Variants in DDX60L observed in about 807,000 individuals in gnomAD.
DDX60L encodes DExD/H-box 60 like, also known as probable ATP-dependent RNA helicase DDX60-like.
DDX60L carries 191 observed loss-of-function variants against 211.6 expected under a neutral mutation model. The observed-to-expected ratio is 0.90, with a 90% CI of 0.80 to 1.02. DDX60L has a LOEUF of 1.02. DDX60L is among the 50% of genes least tolerant of loss of function. The probability of loss-of-function intolerance (pLI) is 0.00; values close to 1 mark genes in which losing one functional copy is unlikely to be tolerated. For missense variants in DDX60L, 2,007 were observed against 1,984.1 expected, an observed-to-expected ratio of 1.01 and a Z score of -0.22; for synonymous variants, 706 against 694.1, an observed-to-expected ratio of 1.02 and a Z score of -0.27.
At chr4:168,479,408 T>C (rs1181142230) in intron 1 of DDX60L, among the ~76,000 whole-genome samples, 1 of 152,190 alleles carries the variant, frequency 6.6e-6, no homozygotes, top group Non-Finnish European at 1.5e-5. Flanking sequence ...TGAAGGTCTG[T>C]ATGTCGTTGA....
chr4:168,463,534 ACC>A (rs1757593586), intron 4 of DDX60L, among the ~76,000 whole-genome samples: 1 of 152,008 alleles, frequency 6.6e-6, no homozygotes, highest in East Asian at 1.9e-4. Flanking sequence ...TGTACAACAA[ACC>A]CCCATAAGAC....
In DDX60L at chr4:168,394,242, C is replaced by A. The variant is rs140311715; in HGVS notation, c.3810+223G>T. On this transcript the variant is annotated intron_variant, in intron 28 of 37. Transcript: ENST00000682922. ...AGAGTAAAGTGTTACACCTGGATTACCACAGCTATACTACTCCATTATAAA... is the reference window on the plus strand; with the variant it reads ...AGAGTAAAGTGTTACACCTGGATTAACACAGCTATACTACTCCATTATAAA... Among the ~76,000 whole-genome samples the A allele has an allele frequency of 3.3e-4, 50 of 151,524 alleles. 1 individual carries two copies. In the East Asian group the frequency reaches 9.7e-3, roughly 29 times the overall value.
intron 5 of DDX60L, among the ~76,000 whole-genome samples, chr4:168,459,808 G>GAAGGAAGGAAGGAAGGAAGA (rs1757075224): frequency 7.5e-6 from 1 of 133,740 alleles, no homozygotes; most frequent in African/African-American, 2.7e-5. Flanking sequence ...AGGAAGGAAG[G>GAAGGAAGGAAGGAAGGAAGA]AAGGAAGGAG....
intron 2 of DDX60L, 79 bp downstream of exon 2, chr4:168,472,617 A>G (rs1758948493): frequency 6.3e-7 from 1 of 1,587,264 alleles, no homozygotes; most frequent in Non-Finnish European, 8.6e-7. Context: ...ACATCCAATT[A>G]CTTTGTAACA....
intron 9 of DDX60L, among the ~76,000 whole-genome samples, chr4:168,443,477 C>T (rs1288975698): frequency 1.3e-5 from 2 of 151,836 alleles, no homozygotes; most frequent in Non-Finnish European, 2.9e-5. Context: ...AGGAGAACTT[C>T]TCCAATCTAG....
At chr4:168,375,612 T>C (rs1741820306) in intron 33 of DDX60L, 88 bp from the exon 34 acceptor site, 2 of 1,187,122 alleles carry the variant, frequency 1.7e-6, no homozygotes, top group Non-Finnish European at 2.3e-6. Flanking sequence ...CATAGTTCTG[T>C]AGATTGATGC....
chr4:168,416,900 G>A (rs1749664352), intron 19 of DDX60L, 103 bp from the exon 20 acceptor site: 1 of 586,512 alleles, frequency 1.7e-6, no homozygotes, highest in Non-Finnish European at 2.9e-6. Flanking sequence ...TCCTATAAAT[G>A]ACCTAACCTA....
At chr4:168,397,761 C>T (rs115881291) in intron 26 of DDX60L, among the ~76,000 whole-genome samples, 1,868 of 152,330 alleles carry the variant, frequency 0.012, 38 homozygotes, top group African/African-American at 0.042. Context: ...AGGACACCGG[C>T]TGCAGTGGGA....
Position 168,432,442 on chromosome 4 carries a change from T to G in DDX60L, c.1516+13A>C. 6.7e-7 allele frequency: 1 copy of G among 1,493,038 alleles called. No individual in the cohort carries two copies. The highest frequency in any genetic ancestry group is 1.7e-4 in the Middle Eastern group (1 of 5,738). The allele number at this position is 1,493,038 out of a possible 1,614,324, so 92.5% of individuals were successfully genotyped here. A position where few individuals can be genotyped will look rare whatever the true frequency, so the allele number is the denominator to read the frequency against. Reference sequence around the variant, plus strand: ...TCATATAAGCTCTATTTTATCGTGGTTACAGAGCTCACCATCAACATGACA... The same window carrying G: ...TCATATAAGCTCTATTTTATCGTGGGTACAGAGCTCACCATCAACATGACA... On this transcript the variant is annotated intron_variant, in intron 12 of 37. Coordinates refer to ENST00000682922, the MANE Select transcript of DDX60L (RefSeq NM_001012967.3).
At chr4:168,472,581 G>A in intron 2 of DDX60L, 57 bp from the exon 3 acceptor site, 1 of 1,558,048 alleles carries the variant, frequency 6.4e-7, no homozygotes, top group Non-Finnish European at 8.8e-7. Flanking sequence ...ATATAATTTA[G>A]TAATTATTAA....
intron 36 of DDX60L, among the ~76,000 whole-genome samples, chr4:168,365,786 A>T (rs893775650): frequency 2.0e-5 from 3 of 152,164 alleles, no homozygotes; most frequent in African/African-American, 7.2e-5. Flanking sequence ...ACAAGATACT[A>T]GCAAACCAAA....
In DDX60L at chr4:168,406,619, T is replaced by C. The variant is rs1440249514; in HGVS notation, c.3067A>G (p.Thr1023Ala). Residue 1023 changes from threonine to alanine, a missense_variant, in exon 23 of 38, where the codon ACT becomes GCT. Thr to Ala is a moderately conservative substitution (Grantham distance 58, BLOSUM62 0). Transcript: ENST00000682922. ...LYDTMAQVWE[T>A]WPRAQELCPE... ...ATATTTACCTGAGCCCTGGGCCAAG[T>C]TTCCCAGACTTGAGCCATGGTATCA... The C allele has an allele frequency of 6.3e-7, 1 of 1,598,728 alleles. No individual in the cohort carries two copies. The highest frequency in any genetic ancestry group is 1.3e-5 in the African/African-American group (1 of 74,576).
intron 26 of DDX60L, among the ~76,000 whole-genome samples, chr4:168,396,776 G>A (rs191032104): frequency 1.2e-3 from 186 of 150,162 alleles, no homozygotes; most frequent in African/African-American, 4.3e-3. Context: ...CTTCCCCTAC[G>A]TCCAAAAAAT....
intron 26 of DDX60L, 49 bp from the exon 27 acceptor site, chr4:168,396,173 T>G (rs1356578148): frequency 8.6e-7 from 1 of 1,157,166 alleles, no homozygotes. Flanking sequence ...AAACTCATAT[T>G]CAGTTACTGC....
intron 6 of DDX60L, among the ~76,000 whole-genome samples, chr4:168,457,549 A>G (rs1756758407): frequency 1.3e-5 from 2 of 152,184 alleles, no homozygotes; most frequent in African/African-American, 4.8e-5. Flanking sequence ...GGTATAATTA[A>G]TTCCACATTT....
At position 168,406,595 on chromosome 4, in the gene DDX60L, T is replaced by C. The variant is rs939004006; in HGVS notation, c.3084+7A>G. On this transcript the variant is annotated splice_region_variant and intron_variant, in intron 23 of 37. Coordinates refer to ENST00000682922, the MANE Select transcript of DDX60L (RefSeq NM_001012967.3). The stretch of plus-strand genomic sequence containing the variant: ...TCATTTTGGTGAATATATATTTCTA[T>C]ATTTACCTGAGCCCTGGGCCAAGTT... 6.4e-6 allele frequency: 10 copies of C among 1,566,536 alleles called. No individual in the cohort carries two copies. The Admixed American group carries it at 1.3e-4, about 20-fold the overall frequency.
intron 4 of DDX60L, chr4:168,470,943 CA>C (rs1234056552): frequency 5.8e-6 from 1 of 173,236 alleles, no homozygotes; most frequent in East Asian, 1.7e-4. Flanking sequence ...ATGGACTGGG[CA>C]GGGGCATGAG....
At chr4:168,432,638 G>A in intron 11 of DDX60L, 68 bp from the exon 12 acceptor site, 1 of 885,082 alleles carries the variant, frequency 1.1e-6, no homozygotes, top group South Asian at 2.2e-5. Flanking sequence ...ACTTCAGGCT[G>A]TGATAACAGA....
At chr4:168,383,649 T>C (rs1456620177) in intron 30 of DDX60L, among the ~76,000 whole-genome samples, 1 of 152,116 alleles carries the variant, frequency 6.6e-6, no homozygotes, top group Non-Finnish European at 1.5e-5. Context: ...ATTATTTAGC[T>C]CACGAGGGGA....
Sources: gnomAD v4.1 joint callset for allele counts (sites outside exome capture counted in the v4.1 genomes callset) on GRCh38, gnomAD v4.1.1 for gene constraint, MANE v1.5 for transcripts, NCBI Gene and HGNC (gene_info 2026-07-23, HGNC 2026-07-21) for gene names.